Variants in NPNT observed in about 807,000 individuals in gnomAD.
NPNT encodes the protein preosteoblast EGF-like repeat protein with MAM domain.
In NPNT, 45 loss-of-function variants were observed where a neutral mutation model predicts 68.6. That is an observed-to-expected ratio of 0.66 (90% confidence interval 0.52 to 0.84). The LOEUF (loss-of-function observed/expected upper bound fraction) is 0.84. Among genes scored for constraint, NPNT ranks in the 40% least tolerant of loss-of-function variants. The probability of loss-of-function intolerance (pLI) is 0.00; values close to 1 mark genes in which losing one functional copy is unlikely to be tolerated. For missense variants in NPNT, 672 were observed against 714.8 expected (o/e 0.94, Z 0.68); for synonymous variants, 233 against 253.3 (o/e 0.92, Z 0.76).
At chr4:105,924,822 G>C (rs925329213) in intron 2 of NPNT, among the ~76,000 whole-genome samples, 2 of 152,212 alleles carry the variant, frequency 1.3e-5, no homozygotes, top group Admixed American at 1.3e-4. Context: ...TTTTTAAGTG[G>C]TATTTTTAAA....
chr4:105,923,171 T>C (rs1728390442), intron 2 of NPNT, among the ~76,000 whole-genome samples: 1 of 152,184 alleles, frequency 6.6e-6, no homozygotes, highest in African/African-American at 2.4e-5. Context: ...AAAGGTTGGT[T>C]TTTGCTGACC....
chr4:105,934,065 A>G lies in NPNT; in HGVS notation c.266-2944A>G, dbSNP rs139551869. ...AAGGAAGATAAGTAAATTTAAAATAAAAACACCAAAGTTTTATTTCTAGGT... is the reference window on the plus strand; with the variant it reads ...AAGGAAGATAAGTAAATTTAAAATAGAAACACCAAAGTTTTATTTCTAGGT... On this transcript the variant is annotated intron_variant, in intron 3 of 11. Transcript: ENST00000379987. Among the ~76,000 whole-genome samples, 558 of 152,292 alleles carry G rather than the reference A, an allele frequency of 3.7e-3. 4 individuals carry two copies. The highest frequency in any genetic ancestry group is 0.013 in the African/African-American group (543 of 41,564).
rs546137725 is a variant in NPNT, at chr4:105,934,097, A to G, written c.266-2912A>G. Among the ~76,000 whole-genome samples the G allele has an allele frequency of 2.4e-4, 36 of 152,288 alleles. 1 individual carries two copies. The highest frequency in any genetic ancestry group is 2.1e-3 in the Admixed American group (32 of 15,298). ...CAAAGTTTTATTTCTAGGTTCTTTT[A>G]TCAACTTTTAAGATTTATTTGAGAC... On this transcript the variant is annotated intron_variant, in intron 3 of 11. Transcript: ENST00000379987.
intron 2 of NPNT, among the ~76,000 whole-genome samples, chr4:105,924,040 C>A (rs1000654688): frequency 9.0e-6 from 1 of 111,036 alleles, no homozygotes; most frequent in African/African-American, 3.7e-5. Context: ...CTTTGCTGCG[C>A]CCCCCCCCCA....
chr4:105,953,531 T>C (rs1178086420), intron 8 of NPNT, among the ~76,000 whole-genome samples: 1 of 152,166 alleles, frequency 6.6e-6, no homozygotes, highest in African/African-American at 2.4e-5. Context: ...TTCCAGCCCT[T>C]TTATTTGCTT....
rs1266870653 is a variant in NPNT at position 105,958,563 on chromosome 4, A to T, written c.1246+6A>T. 14 of 1,494,206 alleles carry T rather than the reference A, an allele frequency of 9.4e-6. No individual in the cohort carries two copies. The highest frequency in any genetic ancestry group is 1.2e-5 in the Non-Finnish European group (13 of 1,074,614). 92.6% of individuals were successfully genotyped at this position (1,494,206 alleles called of 1,614,324 possible). ...TGAAGCAAAGGATGATCCAGGTGAC[A>T]CTTACACTCTTAGTGCCATCATAAT... On this transcript the variant is annotated splice_donor_region_variant and intron_variant, in intron 9 of 11. Coordinates refer to ENST00000379987, the MANE Select transcript of NPNT (RefSeq NM_001033047.3).
At chr4:105,958,367 T>A (rs529103427) in intron 8 of NPNT, 104 bp from the exon 9 acceptor site, 3 of 549,366 alleles carry the variant, frequency 5.5e-6, no homozygotes, top group South Asian at 7.1e-5. Flanking sequence ...TCCAGATGAA[T>A]AAAATGACTA....
intron 3 of NPNT, among the ~76,000 whole-genome samples, chr4:105,932,036 T>C (rs1578631988): frequency 6.6e-6 from 1 of 152,342 alleles, no homozygotes; most frequent in East Asian, 1.9e-4. Flanking sequence ...TGCATAAAGC[T>C]TCTCATGTAT....
At chr4:105,917,219 G>A (rs1282040670) in intron 2 of NPNT, among the ~76,000 whole-genome samples, 2 of 152,136 alleles carry the variant, frequency 1.3e-5, no homozygotes, top group Non-Finnish European at 2.9e-5. Context: ...CGCAGTGGAC[G>A]GCCCTTGGGT....
intron 5 of NPNT, 97 bp downstream of exon 5, chr4:105,938,517 T>C: frequency 8.4e-7 from 1 of 1,196,984 alleles, no homozygotes. Flanking sequence ...GGCAATTACT[T>C]ACATCAGATA....
chr4:105,939,065 G>A (rs953889232), intron 5 of NPNT, among the ~76,000 whole-genome samples: 8 of 152,156 alleles, frequency 5.3e-5, no homozygotes, highest in Middle Eastern at 3.2e-3. Flanking sequence ...GTTATTTACT[G>A]AGTAATTTCT....
chr4:105,940,423 A>G, intron 6 of NPNT, 91 bp from the exon 7 acceptor site: 1 of 1,325,206 alleles, frequency 7.5e-7, no homozygotes, highest in East Asian at 2.4e-5. Context: ...TCACATTGCC[A>G]AAAAAAATCA....
chr4:105,927,687 A>AT (rs1728798346), intron 3 of NPNT: 1 of 199,716 alleles, frequency 5.0e-6, no homozygotes, highest in Non-Finnish European at 1.0e-5. Flanking sequence ...TGCATCAGTA[A>AT]TTTAGAAGCC....
At chr4:105,959,601 G>GA (rs1359271999) in intron 10 of NPNT, among the ~76,000 whole-genome samples, 2 of 148,594 alleles carry the variant, frequency 1.3e-5, no homozygotes, top group Admixed American at 6.7e-5. Flanking sequence ...ATTATCCTCT[G>GA]AAAAAATTTC....
At chr4:105,959,157 A>G in intron 10 of NPNT, 31 bp downstream of exon 10, 3 of 1,385,856 alleles carry the variant, frequency 2.2e-6, no homozygotes, top group Non-Finnish European at 3.1e-6. Flanking sequence ...TTTTTCTGGT[A>G]CACATTTCAA....
chr4:105,923,738 AC>A (rs1728448590), intron 2 of NPNT, among the ~76,000 whole-genome samples: 1 of 151,698 alleles, frequency 6.6e-6, no homozygotes, highest in Non-Finnish European at 1.5e-5. Flanking sequence ...CCAAAGCCCC[AC>A]CCCATCACTT....
chr4:105,905,527 AT>A (rs1264301505), intron 2 of NPNT, among the ~76,000 whole-genome samples: 12 of 151,158 alleles, frequency 7.9e-5, no homozygotes, highest in Non-Finnish European at 1.2e-4. Context: ...CTGTATCTTG[AT>A]TTTTTTTTCA....
At chr4:105,956,171 C>G (rs983225906) in intron 8 of NPNT, among the ~76,000 whole-genome samples, 2 of 152,034 alleles carry the variant, frequency 1.3e-5, no homozygotes, top group Non-Finnish European at 2.9e-5. Flanking sequence ...CTAATCTCTT[C>G]CTTTCTCTTC....
intron 3 of NPNT, among the ~76,000 whole-genome samples, chr4:105,932,328 G>A (rs555246631): frequency 6.6e-6 from 1 of 151,966 alleles, no homozygotes. Context: ...TAAAAATGAT[G>A]ATCTCTTGTT....
Sources: allele counts gnomAD v4.1 joint callset (sites outside exome capture counted in the v4.1 genomes callset), GRCh38; gene constraint gnomAD v4.1.1; transcripts MANE v1.5; gene names NCBI Gene and HGNC (gene_info 2026-07-23, HGNC 2026-07-21).